NPAS4: variants seen among roughly 807,000 people sequenced by gnomAD.
The protein encoded by NPAS4 is neuronal PAS domain-containing protein 4.
In NPAS4, 10 loss-of-function variants were observed where a neutral mutation model predicts 64.0. The observed-to-expected ratio is 0.16, with a 90% confidence interval of 0.10 to 0.26. The LOEUF is 0.26. Ranked by LOEUF, NPAS4 falls within the 10% of genes least tolerant of loss-of-function variation. NPAS4 has a pLI of 1.00. For synonymous variants in NPAS4, 441 were observed against 411.7 expected (o/e 1.07, Z -0.86); for missense variants, 886 against 992.6 (o/e 0.89, Z 1.44).
At chr11:66,421,604 G>A (rs920561869) in intron 1 of NPAS4, among the ~76,000 whole-genome samples, 1 of 152,236 alleles carries the variant, frequency 6.6e-6, no homozygotes, top group African/African-American at 2.4e-5. Context: ...TAAGAGCCAG[G>A]ACAGAGCGGC....
intron 6 of NPAS4, 30 bp from the exon 7 acceptor site, chr11:66,423,805 C>G: frequency 6.2e-7 from 1 of 1,601,362 alleles, no homozygotes; most frequent in South Asian, 1.1e-5. Context: ...ACGTCGGACC[C>G]TTACCAGCTG....
At chr11:66,423,317 G>A in intron 5 of NPAS4, 85 bp downstream of exon 5, 2 of 982,550 alleles carry the variant, frequency 2.0e-6, no homozygotes, top group Non-Finnish European at 1.6e-6. Context: ...GTAGTCAAGA[G>A]TGATGCTGGG....
At position 66,424,290 on chromosome 11, in the gene NPAS4, C is replaced by T; in HGVS notation, c.1400C>T (p.Ser467Phe). 2 of 1,614,198 alleles carry T rather than the reference C, an allele frequency of 1.2e-6. No individual in the cohort carries two copies. The highest frequency in any genetic ancestry group is 1.1e-5 in the South Asian group (1 of 91,088). The change falls in exon 7 of 8, where the codon TCT becomes TTT. Residue 467 changes from serine (S) to phenylalanine (F), a missense_variant. Ser to Phe is a radical substitution (Grantham distance 155). Coordinates refer to ENST00000311034, the MANE Select transcript of NPAS4 (RefSeq NM_178864.4). Reference sequence around the variant, plus strand: ...CTGACTCCAAGCACTGCGACCTTCTCTGATCAGTTGACGCCCAGCAGTGCA... The same window carrying T: ...CTGACTCCAAGCACTGCGACCTTCTTTGATCAGTTGACGCCCAGCAGTGCA... Reference protein sequence around the residue: ...EQLTPSTATFSDQLTPSSATF... With the variant: ...EQLTPSTATFFDQLTPSSATF...
chr11:66,425,385 C>T (rs1168609271), intron 7 of NPAS4, 115 bp downstream of exon 7: 2 of 566,872 alleles, frequency 3.5e-6, no homozygotes, highest in African/African-American at 1.9e-5. Flanking sequence ...AAGGGGATGA[C>T]ATCCCCTGCT....
At chr11:66,423,345 C>G in intron 5 of NPAS4, 113 bp downstream of exon 5, 1 of 852,650 alleles carries the variant, frequency 1.2e-6, no homozygotes, top group Non-Finnish European at 1.9e-6. Context: ...CAGAGGCCAA[C>G]AGTTTCGGAT....
chr11:66,417,228 TA>T (rs1449854573), upstream of NPAS4: 4 of 152,136 alleles, frequency 2.6e-5, no homozygotes, highest in African/African-American at 7.2e-5. Flanking sequence ...GGGACCTTGA[TA>T]TTTTTTTCTC....
Position 66,422,662 on chromosome 11 carries a change from T to C in NPAS4, c.431-12T>C. The C allele has an allele frequency of 6.2e-7, 1 of 1,613,548 alleles. No homozygotes were observed. Among genetic ancestry groups the C allele is most frequent in the Non-Finnish European group, 8.5e-7 (1 of 1,179,610 alleles). ...CTCACCCTCTTATCTGTTTTTCTCT[T>C]CATCTATCTAGATCGCCTCTTCCGC... On this transcript the variant is annotated splice_polypyrimidine_tract_variant and intron_variant, in intron 3 of 7. Transcript: ENST00000311034.
At chr11:66,423,476 G>C in intron 5 of NPAS4, 102 bp from the exon 6 acceptor site, 1 of 1,388,358 alleles carries the variant, frequency 7.2e-7, no homozygotes, top group Non-Finnish European at 1.0e-6. Flanking sequence ...TCAGAAGAGA[G>C]GATGTCACGG....
At position 66,422,239 on chromosome 11, in the gene NPAS4, G is replaced by A. The variant is rs1033574419; in HGVS notation, c.295G>A (p.Glu99Lys). ...CGAGGGGAAATTGCTCTACCTGTCT[G>A]AGAGTGTGAGCGAGCATCTGGGCCA... is the stretch of plus-strand genomic sequence containing the variant. The part of the protein sequence containing the change: ...TAEGKLLYLS[E>K]SVSEHLGHSM... Residue 99 changes from glutamate (E) to lysine (K), a missense_variant, in exon 2 of 8, where the codon GAG (glutamate) becomes AAG (lysine). By Grantham distance (56) the Glu-to-Lys change is moderately conservative. This residue lies in a region of NPAS4 where 820 missense variants were observed against 855.5 expected (regional missense o/e 0.96). Coordinates refer to ENST00000311034, the MANE Select transcript of NPAS4 (RefSeq NM_178864.4). 14 of 1,613,970 alleles carry A rather than the reference G, an allele frequency of 8.7e-6. No homozygotes were observed. The highest frequency in any genetic ancestry group is 1.2e-5 in the Non-Finnish European group (14 of 1,180,018).
At chr11:66,425,829 G>A (rs1375177046) in intron 7 of NPAS4, 132 bp from the exon 8 acceptor site, 9 of 703,164 alleles carry the variant, frequency 1.3e-5, no homozygotes, top group South Asian at 3.3e-5. Context: ...AATCTACTGA[G>A]CCTCTGGCCA....
At chr11:66,410,092 A>G in the NPAS4 span, 28 of 152,260 alleles carry the variant, frequency 1.8e-4, no homozygotes, top group African/African-American at 6.8e-4. Context: ...CCCAGAGTCA[A>G]GTGGACCCAG....
In NPAS4 at chr11:66,424,333, A is replaced by G. The variant is rs958194181; in HGVS notation, c.1443A>G (p.Leu481=). ...GCAGTGCAACCTTCCCAGATCCACT[A>G]ACTAGCCCACTGCAAGGCCAGTTGA... ...TPSSATFPDP[L]TSPLQGQLTE... is the part of the protein sequence containing the mutation. Residue 481 remains leucine, a synonymous_variant, in exon 7 of 8, where the codon CTA becomes CTG. Coordinates refer to ENST00000311034, the MANE Select transcript of NPAS4 (RefSeq NM_178864.4). 11 of 1,613,960 alleles carry G rather than the reference A, an allele frequency of 6.8e-6. No individual in the cohort carries two copies. The African/African-American group carries it at 1.1e-4, about 16-fold the overall frequency.
At position 66,421,852 on chromosome 11, in the gene NPAS4, T is replaced by G. The variant is rs547077798; in HGVS notation, c.176-268T>G. 3.3e-5 allele frequency among the ~76,000 whole-genome samples: 5 copies of G among 152,268 alleles called. No homozygotes were observed. In the South Asian group the frequency reaches 1.0e-3, roughly 32 times the overall value. On this transcript the variant is annotated intron_variant, in intron 1 of 7. Coordinates refer to ENST00000311034, the MANE Select transcript of NPAS4 (RefSeq NM_178864.4). ...GGAGCTCTGTCCGCGGTTCTGAAAT[T>G]CAGAGCCGCTTTGGAGCTCTGTCCG... is the stretch of plus-strand genomic sequence containing the variant.
the NPAS4 span, among the ~76,000 whole-genome samples, chr11:66,412,068 G>A: frequency 6.6e-6 from 1 of 152,238 alleles, no homozygotes; most frequent in East Asian, 1.9e-4. Flanking sequence ...TGAAGCTGGA[G>A]CCTCTGGAGG....
chr11:66,420,785 C>T (rs533433341), upstream of NPAS4, among the ~76,000 whole-genome samples: 12 of 152,350 alleles, frequency 7.9e-5, no homozygotes, highest in South Asian at 2.3e-3. Flanking sequence ...CCTTCCTCTC[C>T]GCTCAGCTCC....
the NPAS4 span, among the ~76,000 whole-genome samples, chr11:66,414,073 C>T: frequency 5.9e-5 from 9 of 152,174 alleles, no homozygotes; most frequent in Non-Finnish European, 1.2e-4. Context: ...GTAGGGGAGA[C>T]AGCCAAGTAA....
At chr11:66,421,950 C>G (rs569574786) in intron 1 of NPAS4, among the ~76,000 whole-genome samples, 170 bp from the exon 2 acceptor site, 1 of 152,362 alleles carries the variant, frequency 6.6e-6, no homozygotes, top group African/African-American at 2.4e-5. Context: ...TATGGAGATA[C>G]AGCAACAGGT....
upstream of NPAS4, among the ~76,000 whole-genome samples, chr11:66,418,629 T>G (rs1856695994): frequency 6.6e-6 from 1 of 152,052 alleles, no homozygotes; most frequent in Non-Finnish European, 1.5e-5. Context: ...CCTTCCAAAG[T>G]GTTTCTTCCC....
At chr11:66,421,861 C>A (rs1014892143) in intron 1 of NPAS4, among the ~76,000 whole-genome samples, 31 of 152,250 alleles carry the variant, frequency 2.0e-4, no homozygotes, top group African/African-American at 5.8e-4. Flanking sequence ...TTCAGAGCCG[C>A]TTTGGAGCTC....
Sources: allele counts gnomAD v4.1 joint callset (sites outside exome capture counted in the v4.1 genomes callset), GRCh38; gene constraint gnomAD v4.1.1; regional missense constraint gnomAD v4.1.1; transcripts MANE v1.5; gene names NCBI Gene and HGNC (gene_info 2026-07-23, HGNC 2026-07-21).